Variants in SPTBN5 observed in about 807,000 individuals in gnomAD.
SPTBN5 encodes the protein spectrin beta chain, non-erythrocytic 5.
Under a neutral mutation model 477.6 loss-of-function variants are expected in SPTBN5, and 513 were observed. That is an observed-to-expected ratio of 1.07 (90% CI 1.00 to 1.16). The LOEUF (loss-of-function observed/expected upper bound fraction) is 1.16. Ranked by LOEUF, SPTBN5 falls within the 50% of genes most tolerant of loss-of-function variation. The probability of loss-of-function intolerance (pLI) is 0.00; values close to 1 mark genes in which losing one functional copy is unlikely to be tolerated. For missense variants in SPTBN5, 5,062 were observed against 4,731.8 expected (o/e 1.07, Z -2.05); for synonymous variants, 2,169 against 2,011.7 (o/e 1.08, Z -2.09).
At chr15:41,886,494 G>GT in intron 6 of SPTBN5, 128 bp from the exon 7 acceptor site, 1 of 1,080,362 alleles carries the variant, frequency 9.3e-7, no homozygotes, top group Non-Finnish European at 1.3e-6. Flanking sequence ...CTTTGAAGTG[G>GT]TGGTACCCCC....
intron 6 of SPTBN5, among the ~76,000 whole-genome samples, chr15:41,886,736 A>G (rs933237046): frequency 3.3e-5 from 5 of 151,634 alleles, no homozygotes; most frequent in African/African-American, 1.2e-4. Context: ...TGTCACCCCC[A>G]CCCACACCCC....
intron 41 of SPTBN5, among the ~76,000 whole-genome samples, chr15:41,863,388 C>T (rs1174741850): frequency 1.3e-5 from 2 of 152,214 alleles, no homozygotes; most frequent in African/African-American, 4.8e-5. Flanking sequence ...TTTGGGCTTC[C>T]TCAGGGATGG....
intron 29 of SPTBN5, 90 bp from the exon 30 acceptor site, chr15:41,870,650 T>A: frequency 9.1e-7 from 1 of 1,095,976 alleles, no homozygotes; most frequent in Non-Finnish European, 1.3e-6. Context: ...CCCGCTCCTC[T>A]CTGAGTTGTA....
chr15:41,881,981 C>A lies in SPTBN5; in HGVS notation c.2412G>T (p.Leu804=), dbSNP rs1241937788. 1 of 1,538,602 alleles carries A rather than the reference C, an allele frequency of 6.5e-7. No individual in the cohort carries two copies. Among genetic ancestry groups the A allele is most frequent in the Non-Finnish European group, 8.7e-7 (1 of 1,151,930 alleles). The change falls in exon 12 of 68, where the codon CTG becomes CTT. Residue 804 remains leucine, a synonymous_variant. Coordinates refer to ENST00000320955, the MANE Select transcript of SPTBN5 (RefSeq NM_016642.4). ...LRAFAAELRR[L]EEQGRAASAR... ...CCGAGGCCGCCCGCCCCTGCTCCTCCAGCCGCCGCAGCTCGGCCGCGAAGG... is the reference window on the plus strand; with the variant it reads ...CCGAGGCCGCCCGCCCCTGCTCCTCAAGCCGCCGCAGCTCGGCCGCGAAGG...
chr15:41,849,901 C>T lies in SPTBN5; in HGVS notation c.10980G>A (p.Thr3660=), dbSNP rs762914178. The T allele has an allele frequency of 2.0e-5, 32 of 1,592,718 alleles. No individual in the cohort carries two copies. Among genetic ancestry groups the T allele is most frequent in the South Asian group, 6.9e-5 (6 of 87,530 alleles). ...AKPVSSLNEC[T]TKDARPGCLL... is the part of the protein sequence containing the mutation. ...GACATCCAGGCCGGGCATCCTTGGT[C>T]GTGCACTCATTCAGAGAGCTGACAG... The change falls in exon 67 of 68, where the codon ACG becomes ACA. Residue 3660 remains threonine (T), a synonymous_variant. Transcript: ENST00000320955.
chr15:41,866,548 G>A (rs2066322470), intron 36 of SPTBN5, 55 bp from the exon 37 acceptor site: 6 of 1,464,634 alleles, frequency 4.1e-6, no homozygotes, highest in African/African-American at 1.4e-5. Context: ...GGCCCCAGAC[G>A]CCACAGGCCT....
rs749453019 is a variant in SPTBN5, at chr15:41,848,629, C to G, written c.11013-1G>C. 3.1e-6 allele frequency: 5 copies of G among 1,613,916 alleles called. No individual in the cohort carries two copies. Among genetic ancestry groups the G allele is most frequent in the African/African-American group, 2.7e-5 (2 of 75,032 alleles). On this transcript the variant is annotated splice_acceptor_variant, in intron 67 of 67. Transcript: ENST00000320955. LOFTEE classifies it high-confidence loss of function. The stretch of plus-strand genomic sequence containing the variant: ...CTGGGGTTCACCTCAGGGATCAGAC[C>G]TGTTGGGAAAACGGAATGAATTTAG...
In SPTBN5 at chr15:41,886,949, G is replaced by C. The variant is rs540787112; in HGVS notation, c.888+264C>G. Among the ~76,000 whole-genome samples the C allele has an allele frequency of 2.3e-3, 343 of 152,370 alleles. 1 individual carries two copies. The highest frequency in any genetic ancestry group is 4.3e-3 in the Admixed American group (66 of 15,308). ...TTAATAGCCCGAGAGTCGGGAAGAA[G>C]GGGGAGGCCCAGGAAGGGCCATTCC... On this transcript the variant is annotated intron_variant, in intron 6 of 67. Transcript: ENST00000320955.
At chr15:41,857,742 A>T in intron 49 of SPTBN5, 32 bp from the exon 50 acceptor site, 1 of 1,537,844 alleles carries the variant, frequency 6.5e-7, no homozygotes, top group Non-Finnish European at 8.7e-7. Context: ...CACCTTGTGG[A>T]CTCAGGACTG....
intron 4 of SPTBN5, among the ~76,000 whole-genome samples, chr15:41,889,688 C>A (rs929329368): frequency 2.6e-5 from 4 of 152,186 alleles, no homozygotes; most frequent in Admixed American, 2.0e-4. Context: ...ACTTTGTAAA[C>A]CTCCAGAGCT....
chr15:41,849,612 G>C (rs76828625), intron 67 of SPTBN5, among the ~76,000 whole-genome samples: 9 of 152,142 alleles, frequency 5.9e-5, no homozygotes, highest in Non-Finnish European at 7.4e-5. Context: ...GGGCAGCTTC[G>C]TCTACAGGGT....
At position 41,853,114 on chromosome 15, in the gene SPTBN5, G is replaced by A. The variant is rs112342982; in HGVS notation, c.10171-114C>T. The stretch of plus-strand genomic sequence containing the variant: ...GTGCAGAGGGAAGGCTGTGAGACCC[G>A]CACCTGCCCCTTCCCAGCCTCTCTC... On this transcript the variant is annotated intron_variant, in intron 59 of 67. Transcript: ENST00000320955. The A allele has an allele frequency of 4.6e-3, 6,527 of 1,426,946 alleles. 259 individuals are homozygous for A. The African/African-American group carries it at 0.083, about 18-fold the overall frequency. The allele number at this position is 1,426,946 out of a possible 1,614,324, so 88.4% of individuals were successfully genotyped here. A position where few individuals can be genotyped will look rare whatever the true frequency, so the allele number is the denominator to read the frequency against.
chr15:41,849,272 G>A (rs1224801247), intron 67 of SPTBN5, among the ~76,000 whole-genome samples: 2 of 152,198 alleles, frequency 1.3e-5, no homozygotes, highest in African/African-American at 4.8e-5. Flanking sequence ...CTACAAGGAG[G>A]GACTGAGGAG....
rs368930843 is a variant in SPTBN5, at chr15:41,856,928, C to G, written c.8733G>C (p.Glu2911Asp). ...CCTGGGCAGCGGCCAGAGGCAGCTT[C>G]TCCTGCACCCAGGCCATTTCCTCGT... ...DADEEMAWVQEKLPLAAAQDY... is the reference protein window; with the variant it reads ...DADEEMAWVQDKLPLAAAQDY... The change falls in exon 52 of 68, where the codon GAG becomes GAC. Residue 2911 changes from glutamate (E) to aspartate (D), a missense_variant. Coordinates refer to ENST00000320955, the MANE Select transcript of SPTBN5 (RefSeq NM_016642.4). The G allele has an allele frequency of 1.3e-4, 203 of 1,566,304 alleles. 2 individuals carry two copies. The South Asian group carries it at 2.3e-3, about 17-fold the overall frequency.
At chr15:41,871,052 G>A (rs983673363) in intron 29 of SPTBN5, among the ~76,000 whole-genome samples, 15 of 152,248 alleles carry the variant, frequency 9.9e-5, no homozygotes, top group Non-Finnish European at 1.9e-4. Context: ...GGAACCACAC[G>A]AGGCATGGGC....
chr15:41,882,029 C>T lies in SPTBN5; in HGVS notation c.2364G>A (p.Val788=), dbSNP rs1188412977. The change falls in exon 12 of 68, where the codon GTG becomes GTA. Residue 788 remains valine (V), a synonymous_variant. Coordinates refer to ENST00000320955, the MANE Select transcript of SPTBN5 (RefSeq NM_016642.4). ...AGGCGCGCAGGACGCGCTCCAGCCG[C>T]ACGTGGCGCCTCAGCAGGGTCTCGG... ...AAAETLLRRH[V]RLERVLRAFA... The T allele has an allele frequency of 6.5e-7, 1 of 1,546,644 alleles. No homozygotes were observed. Among genetic ancestry groups the T allele is most frequent in the Non-Finnish European group, 8.6e-7 (1 of 1,157,030 alleles).
rs201152285 is a variant in SPTBN5 at position 41,853,418 on chromosome 15, G to A, written c.10010C>T (p.Ala3337Val). 209 of 1,591,722 alleles carry A rather than the reference G, an allele frequency of 1.3e-4. No homozygotes were observed. Among genetic ancestry groups the A allele is most frequent in the Non-Finnish European group, 5.1e-5 (59 of 1,165,854 alleles). ...GTCCTCAGCCAGCTCCTCGGAGGAC[G>A]CCAGCTCCTGCCTCTCCTGTGCCCA... ...LAWAQERQEL[A>V]SSEELAEDVA... The change falls in exon 59 of 68, where the codon GCG becomes GTG. Residue 3337 changes from alanine to valine, a missense_variant. Coordinates refer to ENST00000320955, the MANE Select transcript of SPTBN5 (RefSeq NM_016642.4).
intron 32 of SPTBN5, among the ~76,000 whole-genome samples, chr15:41,868,884 C>G (rs768084776): frequency 6.6e-6 from 1 of 152,242 alleles, no homozygotes; most frequent in African/African-American, 2.4e-5. Context: ...CAGAGCTCAC[C>G]TGGATGAGGC....
rs753590545 is a variant in SPTBN5 at position 41,863,995 on chromosome 15, G to A, written c.6948C>T (p.Ser2316=). Residue 2316 remains serine, a synonymous_variant, in exon 40 of 68, where the codon AGC becomes AGT. Transcript: ENST00000320955. ...GDTVGDACIR[S]ISDLSLQLKN... is the part of the protein sequence containing the mutation. The stretch of plus-strand genomic sequence containing the variant: ...TGAGCTGCAGTGACAAGTCACTGAT[G>A]CTCCTGATGCAGGCATCACCCACTG... The A allele has an allele frequency of 3.1e-6, 5 of 1,613,514 alleles. No individual in the cohort carries two copies. In the African/African-American group the frequency reaches 6.7e-5, roughly 22 times the overall value.
Sources: gnomAD v4.1 joint callset for allele counts (sites outside exome capture counted in the v4.1 genomes callset) on GRCh38, gnomAD v4.1.1 for gene constraint, MANE v1.5 for transcripts, NCBI Gene and HGNC (gene_info 2026-07-23, HGNC 2026-07-21) for gene names.